AFTPH: variants seen among roughly 807,000 people sequenced by gnomAD.
AFTPH encodes aftiphilin.
AFTPH carries 7 observed loss-of-function variants against 72.5 expected under a neutral mutation model. The ratio of observed to expected loss-of-function variants is 0.10; its 90% confidence interval spans 0.05 to 0.18. AFTPH has a LOEUF of 0.18. Ranked by LOEUF, AFTPH falls within the 10% of genes least tolerant of loss-of-function variation. AFTPH has a pLI of 1.00. For missense variants in AFTPH, 979 were observed against 1,060.5 expected (o/e 0.92, Z 1.07); for synonymous variants, 337 against 370.1 (o/e 0.91, Z 1.03).
intron 1 of AFTPH, among the ~76,000 whole-genome samples, chr2:64,536,432 A>G (rs561214990): frequency 2.6e-5 from 4 of 151,800 alleles, no homozygotes; most frequent in Non-Finnish European, 5.9e-5. Context: ...TGGGCATGGT[A>G]GCACAGGCCT....
chr2:64,551,701 A>G lies in AFTPH; in HGVS notation c.227A>G (p.Asp76Gly), dbSNP rs751481450. 50 of 1,613,900 alleles carry G rather than the reference A, an allele frequency of 3.1e-5. No individual in the cohort carries two copies. The highest frequency in any genetic ancestry group is 6.7e-5 in the Admixed American group (4 of 59,998). Residue 76 changes from aspartate to glycine, a missense_variant, in exon 2 of 9, where the codon GAT becomes GGT. By Grantham distance (94) the Asp-to-Gly change is moderately conservative. Coordinates refer to ENST00000238856, the Ensembl canonical transcript of AFTPH. Reference sequence around the variant, plus strand: ...ATTCATGAATTCTCAGAAAATGTAGATAGCCTTACAAGCTTTAAGTCCATT... The same window carrying G: ...ATTCATGAATTCTCAGAAAATGTAGGTAGCCTTACAAGCTTTAAGTCCATT...
chr2:64,534,201 A>T (rs1669768992), intron 1 of AFTPH, among the ~76,000 whole-genome samples: 1 of 152,124 alleles, frequency 6.6e-6, no homozygotes, highest in Non-Finnish European at 1.5e-5. Context: ...TTTGCAGCTA[A>T]AATACTTCTG....
intron 1 of AFTPH, among the ~76,000 whole-genome samples, chr2:64,532,975 A>G (rs1328192321): frequency 1.3e-5 from 2 of 152,220 alleles, no homozygotes; most frequent in Non-Finnish European, 2.9e-5. Context: ...AATTAAGTAG[A>G]TAATCTTACG....
At chr2:64,555,989 C>CTTTTTTTTT (rs774669104) in intron 2 of AFTPH, among the ~76,000 whole-genome samples, 2 of 134,100 alleles carry the variant, frequency 1.5e-5, no homozygotes, top group African/African-American at 6.2e-5. Flanking sequence ...GAATTCCTCA[C>CTTTTTTTTT]TTTTTTTTTT....
chr2:64,563,795 A>G (rs561734107), intron 2 of AFTPH, among the ~76,000 whole-genome samples: 5 of 152,204 alleles, frequency 3.3e-5, no homozygotes, highest in African/African-American at 1.2e-4. Flanking sequence ...TTTAGTAGAG[A>G]CACGGTTTCA....
intron 1 of AFTPH, among the ~76,000 whole-genome samples, chr2:64,539,255 A>C (rs1010255616): frequency 6.6e-6 from 1 of 152,198 alleles, no homozygotes; most frequent in African/African-American, 2.4e-5. Flanking sequence ...AGAGTGTAGC[A>C]TTATGCTCTG....
exon 2 of AFTPH, chr2:64,552,619 C>G (rs762084555): frequency 1.2e-6 from 2 of 1,614,164 alleles, no homozygotes; most frequent in Admixed American, 3.3e-5. Context: ...GAAGTTGGTT[C>G]TCCCAAAGAA....
At chr2:64,585,353 T>C in intron 7 of AFTPH, 69 bp from the exon 9 acceptor site, 1 of 1,581,496 alleles carries the variant, frequency 6.3e-7, no homozygotes, top group Non-Finnish European at 8.6e-7. Flanking sequence ...GCCTTTTGCA[T>C]CTTGGATTGT....
intron 2 of AFTPH, among the ~76,000 whole-genome samples, chr2:64,555,421 C>T (rs559862788): frequency 1.9e-4 from 29 of 151,970 alleles, no homozygotes; most frequent in African/African-American, 6.8e-4. Flanking sequence ...ATTAGCTGGG[C>T]GTGGTGACGT....
At chr2:64,546,190 G>GC (rs999116440) in intron 1 of AFTPH, among the ~76,000 whole-genome samples, 12 of 129,818 alleles carry the variant, frequency 9.2e-5, no homozygotes, top group Non-Finnish European at 1.8e-4. Context: ...ACTGCACCCA[G>GC]CCCTTTTTTT....
chr2:64,591,893 C>T (rs748917327), exon 9 of AFTPH: 38 of 1,613,056 alleles, frequency 2.4e-5, no homozygotes, highest in Non-Finnish European at 3.1e-5. Context: ...AGTAGGAAAC[C>T]GAAAAGAGAA....
chr2:64,557,241 A>G lies in AFTPH; in HGVS notation c.1935+3832A>G, dbSNP rs1188108346. Among the ~76,000 whole-genome samples the G allele has an allele frequency of 2.0e-5, 3 of 152,148 alleles. No homozygotes were observed. In the East Asian group the frequency reaches 5.8e-4, roughly 29 times the overall value. Reference sequence around the variant, plus strand: ...TGCATTTACCCCTGAGCTTTTGTAAAATTTTAAAATATTGTTCTGGATATC... The same window carrying G: ...TGCATTTACCCCTGAGCTTTTGTAAGATTTTAAAATATTGTTCTGGATATC... On this transcript the variant is annotated intron_variant, in intron 2 of 8. Transcript: ENST00000238856.
chr2:64,549,308 C>CTTTTTTTTT (rs34951706), intron 1 of AFTPH, among the ~76,000 whole-genome samples: 4 of 55,982 alleles, frequency 7.1e-5, no homozygotes, highest in African/African-American at 2.4e-4. Flanking sequence ...TTAGTCCTCC[C>CTTTTTTTTT]TTTTTTTTTT....
At chr2:64,573,497 A>G (rs1672575351) in intron 6 of AFTPH, among the ~76,000 whole-genome samples, 1 of 151,914 alleles carries the variant, frequency 6.6e-6, no homozygotes, top group Admixed American at 6.6e-5. Context: ...TAAGTCTGCT[A>G]TTGTATGTGT....
chr2:64,565,472 C>T (rs2104026894), intron 2 of AFTPH, among the ~76,000 whole-genome samples: 1 of 85,190 alleles, frequency 1.2e-5, no homozygotes, highest in South Asian at 4.2e-4. Context: ...GAGACTCTAT[C>T]TCAAAAAAAA....
At chr2:64,590,571 C>T (rs946170303) in intron 8 of AFTPH, among the ~76,000 whole-genome samples, 1 of 152,250 alleles carries the variant, frequency 6.6e-6, no homozygotes. Flanking sequence ...CCCCATCAAA[C>T]GTCCACATAA....
intron 1 of AFTPH, among the ~76,000 whole-genome samples, chr2:64,545,895 G>A (rs187536316): frequency 3.5e-4 from 53 of 151,768 alleles, no homozygotes; most frequent in African/African-American, 1.2e-3. Flanking sequence ...GTTTTGTTTC[G>A]TTTTGTTTTT....
intron 8 of AFTPH, among the ~76,000 whole-genome samples, chr2:64,587,551 A>G (rs1247940624): frequency 6.6e-6 from 1 of 152,270 alleles, no homozygotes; most frequent in Non-Finnish European, 1.5e-5. Flanking sequence ...AAAGCTCAGC[A>G]AAATCTTCTT....
chr2:64,535,469 A>G (rs1213809816), intron 1 of AFTPH, among the ~76,000 whole-genome samples: 1 of 152,244 alleles, frequency 6.6e-6, no homozygotes, highest in East Asian at 1.9e-4. Context: ...AAGAAACCTG[A>G]TACAACGAAA....
Sources: allele counts gnomAD v4.1 joint callset (sites outside exome capture counted in the v4.1 genomes callset), GRCh38; gene constraint gnomAD v4.1.1; transcripts MANE v1.5; gene names NCBI Gene and HGNC (gene_info 2026-07-23, HGNC 2026-07-21).